Variants in VKORC1L1 observed in about 807,000 individuals in gnomAD.
The protein encoded by VKORC1L1 is vitamin K epoxide reductase complex subunit 1L1.
VKORC1L1 carries 2 observed loss-of-function variants against 18.9 expected under a neutral mutation model. The observed-to-expected ratio is 0.11, with a 90% CI of 0.04 to 0.33. The LOEUF is 0.33. Ranked by LOEUF, VKORC1L1 falls within the 10% of genes least tolerant of loss-of-function variation. The pLI is 1.00. For synonymous variants in VKORC1L1, 96 were observed against 100.0 expected (o/e 0.96, Z 0.24); for missense variants, 123 against 224.1 (o/e 0.55, Z 2.88).
At chr7:65,913,786 G>T (rs1217153052) in intron 1 of VKORC1L1, among the ~76,000 whole-genome samples, 1 of 150,888 alleles carries the variant, frequency 6.6e-6, no homozygotes, top group Non-Finnish European at 1.5e-5. Flanking sequence ...AGAATATTCA[G>T]TTACCAGGAT....
chr7:65,954,262 G>A lies in VKORC1L1; in HGVS notation c.493G>A (p.Glu165Lys), dbSNP rs193921078. Residue 165 changes from glutamate (E) to lysine (K), a missense_variant, in exon 3 of 3, where the codon GAG becomes AAG. Transcript: ENST00000360768. ...INYKRLVYLNEAWKRQLQPKQ... is the reference protein window; with the variant it reads ...INYKRLVYLNKAWKRQLQPKQ... ...CTACAAACGACTAGTTTACTTGAAC[G>A]AGGCCTGGAAGCGGCAGCTGCAACC... The A allele has an allele frequency of 1.2e-6, 2 of 1,614,104 alleles. No homozygotes were observed. The highest frequency in any genetic ancestry group is 1.7e-6 in the Non-Finnish European group (2 of 1,180,026).
rs116333273 is a variant in VKORC1L1, at chr7:65,952,361, C to T, written c.305-1713C>T. 9.2e-3 allele frequency among the ~76,000 whole-genome samples: 1,408 copies of T among 152,308 alleles called. 25 individuals carry two copies. The highest frequency in any genetic ancestry group is 0.031 in the African/African-American group (1,269 of 41,554). ...GAATGACATTACATAAATGAATGAG[C>T]ATGGCTGGGTGCCAATAAAACTTTA... On this transcript the variant is annotated intron_variant, in intron 2 of 2. Coordinates refer to ENST00000360768, the MANE Select transcript of VKORC1L1 (RefSeq NM_173517.6).
intron 2 of VKORC1L1, among the ~76,000 whole-genome samples, chr7:65,951,247 T>C (rs1268267863): frequency 6.6e-6 from 1 of 152,170 alleles, no homozygotes; most frequent in Admixed American, 6.6e-5. Flanking sequence ...TTTAATTTAA[T>C]TTTTTCATAG....
At chr7:65,891,880 T>C (rs1477218709) in intron 1 of VKORC1L1, among the ~76,000 whole-genome samples, 1 of 152,212 alleles carries the variant, frequency 6.6e-6, no homozygotes, top group Non-Finnish European at 1.5e-5. Flanking sequence ...TGCCCTATTG[T>C]GGTACTGAAC....
Position 65,902,185 on chromosome 7 carries a change from G to A in VKORC1L1, c.194+28620G>A, listed in dbSNP as rs181881710. 1.9e-3 allele frequency among the ~76,000 whole-genome samples: 284 copies of A among 152,262 alleles called. 3 individuals carry two copies. The highest frequency in any genetic ancestry group is 6.7e-3 in the African/African-American group (277 of 41,526). On this transcript the variant is annotated intron_variant, in intron 1 of 2. Coordinates refer to ENST00000360768, the MANE Select transcript of VKORC1L1 (RefSeq NM_173517.6). ...TGTGATGTAATCAGGAGAACAATCA[G>A]CAGAACTAGATCCAGAAATGACAGA...
In VKORC1L1 at chr7:65,899,869, A is replaced by G. The variant is rs776587204; in HGVS notation, c.194+26304A>G. Among the ~76,000 whole-genome samples, 109 of 151,542 alleles carry G rather than the reference A, an allele frequency of 7.2e-4. 1 individual carries two copies. The highest frequency in any genetic ancestry group is 1.6e-3 in the Admixed American group (24 of 15,180). On this transcript the variant is annotated intron_variant, in intron 1 of 2. Transcript: ENST00000360768. Reference sequence around the variant, plus strand: ...ACAAAAATTAGCCAGGCGTGGTGGTACATGCCTGTAATCCCAGCTACTCGG... The same window carrying G: ...ACAAAAATTAGCCAGGCGTGGTGGTGCATGCCTGTAATCCCAGCTACTCGG...
intron 2 of VKORC1L1, 88 bp from the exon 3 acceptor site, chr7:65,953,986 A>T: frequency 8.5e-7 from 1 of 1,180,112 alleles, no homozygotes; most frequent in South Asian, 1.6e-5. Flanking sequence ...CAAACACTGC[A>T]GCAAGTCACA....
intron 1 of VKORC1L1, among the ~76,000 whole-genome samples, chr7:65,903,132 C>G (rs1229061960): frequency 6.6e-6 from 1 of 151,104 alleles, no homozygotes; most frequent in African/African-American, 2.4e-5. Flanking sequence ...TCCCAAAGTG[C>G]TGGGATTACA....
At chr7:65,926,211 A>G (rs1464944993) in intron 1 of VKORC1L1, among the ~76,000 whole-genome samples, 1 of 151,938 alleles carries the variant, frequency 6.6e-6, no homozygotes, top group African/African-American at 2.4e-5. Context: ...GCTGGAGTGA[A>G]GTGGCACCAT....
At chr7:65,900,343 T>C (rs1789293846) in intron 1 of VKORC1L1, among the ~76,000 whole-genome samples, 1 of 149,530 alleles carries the variant, frequency 6.7e-6, no homozygotes, top group African/African-American at 2.5e-5. Flanking sequence ...TGCAGTGAGC[T>C]GAGATCATGC....
At chr7:65,892,824 G>A (rs1789130073) in intron 1 of VKORC1L1, among the ~76,000 whole-genome samples, 1 of 152,192 alleles carries the variant, frequency 6.6e-6, no homozygotes, top group East Asian at 1.9e-4. Context: ...TTCTATTCCT[G>A]TTTGTCCTCT....
At chr7:65,936,917 A>G (rs1309200381) in intron 1 of VKORC1L1, among the ~76,000 whole-genome samples, 1 of 152,212 alleles carries the variant, frequency 6.6e-6, no homozygotes, top group East Asian at 1.9e-4. Flanking sequence ...TTACATGCTT[A>G]CAGCCACAGA....
intron 1 of VKORC1L1, among the ~76,000 whole-genome samples, chr7:65,920,295 A>G (rs1038069011): frequency 2.0e-5 from 3 of 151,932 alleles, no homozygotes; most frequent in African/African-American, 7.3e-5. Context: ...AGGACATACA[A>G]TGTTGTCTAT....
At chr7:65,900,813 A>C (rs1017382384) in intron 1 of VKORC1L1, among the ~76,000 whole-genome samples, 12 of 152,192 alleles carry the variant, frequency 7.9e-5, no homozygotes, top group African/African-American at 2.4e-4. Context: ...AAAAATAATA[A>C]TAAAAATAAT....
intron 1 of VKORC1L1, among the ~76,000 whole-genome samples, chr7:65,903,773 CAAA>C (rs59067443): frequency 1.4e-3 from 159 of 113,184 alleles, no homozygotes; most frequent in Middle Eastern, 4.2e-3. Flanking sequence ...GACCGTGTCT[CAAA>C]AAAAAAAAAA....
At chr7:65,939,033 T>C (rs965874558) in intron 1 of VKORC1L1, among the ~76,000 whole-genome samples, 3 of 152,154 alleles carry the variant, frequency 2.0e-5, no homozygotes, top group African/African-American at 7.2e-5. Context: ...GGTGCCCATG[T>C]GACTGTGGAA....
intron 1 of VKORC1L1, among the ~76,000 whole-genome samples, chr7:65,878,815 G>A (rs1788874629): frequency 6.6e-6 from 1 of 152,182 alleles, no homozygotes; most frequent in Non-Finnish European, 1.5e-5. Flanking sequence ...GGCTGAGGCA[G>A]GAGAATCACT....
intron 1 of VKORC1L1, among the ~76,000 whole-genome samples, chr7:65,913,253 G>C (rs536612610): frequency 1.3e-5 from 2 of 152,288 alleles, no homozygotes; most frequent in South Asian, 2.1e-4. Flanking sequence ...GCTTCTCTGA[G>C]TTCTGGGAAC....
rs181580908 is a variant in VKORC1L1, at chr7:65,937,757, G to A, written c.195-10914G>A. Among the ~76,000 whole-genome samples the A allele has an allele frequency of 2.1e-3, 314 of 152,144 alleles. 1 individual carries two copies. Among genetic ancestry groups the A allele is most frequent in the African/African-American group, 7.3e-3 (302 of 41,502 alleles). On this transcript the variant is annotated intron_variant, in intron 1 of 2. Transcript: ENST00000360768. ...GCCTTGGTCTTACAAATGAATAGAC[G>A]GTTAATGGTCCTCAAACATTTGAGA...
Sources: allele counts gnomAD v4.1 joint callset (sites outside exome capture counted in the v4.1 genomes callset), GRCh38; gene constraint gnomAD v4.1.1; transcripts MANE v1.5; gene names NCBI Gene and HGNC (gene_info 2026-07-23, HGNC 2026-07-21).